Variants in DPP10 observed in about 807,000 individuals in gnomAD.
DPP10 encodes the protein inactive dipeptidyl peptidase 10.
A neutral mutation model predicts 120.9 loss-of-function variants in DPP10; 33 were observed. The ratio of observed to expected loss-of-function variants is 0.27; its 90% CI spans 0.21 to 0.37. The LOEUF (loss-of-function observed/expected upper bound fraction) is 0.37, where lower values mean the gene tolerates loss of function less well. DPP10 is among the 10% of genes least tolerant of loss of function. The pLI, the probability that DPP10 is intolerant of heterozygous loss-of-function variation, is 1.00. For synonymous variants in DPP10, 337 were observed against 326.1 expected (o/e 1.03, Z -0.36); for missense variants, 816 against 942.8 (o/e 0.87, Z 1.76).
At chr2:115,750,095 A>G (rs1161283310) in intron 10 of DPP10, 1 of 985,270 alleles carries the variant, frequency 1.0e-6, no homozygotes, top group South Asian at 4.7e-5. Context: ...TCTGCTGGCC[A>G]CTGGTCGTGG....
At chr2:114,701,478 G>A (rs567998040) in intron 1 of DPP10, among the ~76,000 whole-genome samples, 16 of 152,158 alleles carry the variant, frequency 1.1e-4, no homozygotes, top group South Asian at 4.1e-4. Context: ...AAGGCAAAGC[G>A]CTATATAATT....
At chr2:115,156,754 T>G (rs571451523) in intron 1 of DPP10, among the ~76,000 whole-genome samples, 1 of 152,326 alleles carries the variant, frequency 6.6e-6, no homozygotes, top group South Asian at 2.1e-4. Context: ...TCAAAGAAAT[T>G]TATTCATCAC....
chr2:114,838,466 C>A (rs1489485780), intron 1 of DPP10, among the ~76,000 whole-genome samples: 3 of 152,042 alleles, frequency 2.0e-5, no homozygotes, highest in Non-Finnish European at 4.4e-5. Context: ...CTGTGAGCTA[C>A]CACGCCTAGC....
At chr2:115,512,387 C>T (rs1008702220) in intron 4 of DPP10, among the ~76,000 whole-genome samples, 4 of 152,064 alleles carry the variant, frequency 2.6e-5, no homozygotes, top group Non-Finnish European at 4.4e-5. Flanking sequence ...CATGAGCCAC[C>T]GCACATGGCC....
chr2:114,974,418 T>TC (rs1699612531), intron 1 of DPP10, among the ~76,000 whole-genome samples: 1 of 29,854 alleles, frequency 3.3e-5, no homozygotes, highest in Non-Finnish European at 7.9e-5. Context: ...CTTTTTATCC[T>TC]TTTTTTTTTT....
At chr2:114,821,247 A>G (rs950422922) in intron 1 of DPP10, among the ~76,000 whole-genome samples, 1 of 152,176 alleles carries the variant, frequency 6.6e-6, no homozygotes, top group African/African-American at 2.4e-5. Context: ...AATGCAGGGC[A>G]CCATGATGTT....
intron 1 of DPP10, among the ~76,000 whole-genome samples, chr2:115,150,121 A>G (rs1388088663): frequency 2.0e-5 from 3 of 152,182 alleles, no homozygotes; most frequent in East Asian, 3.9e-4. Context: ...GTTCAGGTCT[A>G]AGAAATATTT....
chr2:115,684,618 G>A (rs1456457362), intron 5 of DPP10, among the ~76,000 whole-genome samples: 3 of 151,518 alleles, frequency 2.0e-5, no homozygotes, highest in Non-Finnish European at 4.4e-5. Flanking sequence ...ATATCAATTC[G>A]GCTGTTCAAC....
At chr2:115,137,509 C>T (rs2050708557) in intron 1 of DPP10, among the ~76,000 whole-genome samples, 1 of 152,204 alleles carries the variant, frequency 6.6e-6, no homozygotes. Context: ...GTGCACATCA[C>T]TTTGTCCTGA....
intron 10 of DPP10, chr2:115,750,055 C>T (rs867011668): frequency 6.7e-5 from 66 of 985,232 alleles, no homozygotes; most frequent in Non-Finnish European, 7.1e-5. Flanking sequence ...TAGGAACAAG[C>T]AGGAAACCCA....
At chr2:115,458,029 A>G (rs2073716569) in intron 3 of DPP10, among the ~76,000 whole-genome samples, 1 of 152,086 alleles carries the variant, frequency 6.6e-6, no homozygotes, top group African/African-American at 2.4e-5. Flanking sequence ...TGAAAACATT[A>G]TGCTGATTAA....
chr2:115,447,744 C>CA (rs1426511959), intron 3 of DPP10, among the ~76,000 whole-genome samples: 2 of 152,194 alleles, frequency 1.3e-5, no homozygotes, highest in African/African-American at 4.8e-5. Context: ...GAGATCTCCT[C>CA]AGCCATGCAG....
intron 7 of DPP10, among the ~76,000 whole-genome samples, chr2:115,714,544 CT>C (rs2149585390): frequency 6.6e-6 from 1 of 152,286 alleles, no homozygotes; most frequent in South Asian, 2.1e-4. Flanking sequence ...CCCTACATCT[CT>C]CTTGTTCTCC....
intron 4 of DPP10, among the ~76,000 whole-genome samples, chr2:115,501,018 G>C (rs922159863): frequency 9.2e-5 from 14 of 151,898 alleles, no homozygotes; most frequent in Non-Finnish European, 1.9e-4. Context: ...GATAATATAT[G>C]GATTAAAGTC....
At chr2:115,278,702 A>G (rs569715815) in intron 1 of DPP10, among the ~76,000 whole-genome samples, 1 of 152,098 alleles carries the variant, frequency 6.6e-6, no homozygotes, top group Admixed American at 6.6e-5. Context: ...TTCCCTGGGA[A>G]CTAGTAGGGT....
intron 1 of DPP10, among the ~76,000 whole-genome samples, chr2:115,155,483 A>C (rs1460907845): frequency 6.6e-6 from 1 of 152,222 alleles, no homozygotes; most frequent in Non-Finnish European, 1.5e-5. Flanking sequence ...AAACACTCTT[A>C]TAAGTGTTGC....
intron 1 of DPP10, among the ~76,000 whole-genome samples, chr2:114,704,746 T>C (rs544455398): frequency 6.6e-6 from 1 of 151,988 alleles, no homozygotes; most frequent in African/African-American, 2.4e-5. Flanking sequence ...AAATGGGGGG[T>C]TATGGACTGA....
At chr2:115,569,020 G>A (rs2081187750) in intron 5 of DPP10, among the ~76,000 whole-genome samples, 1 of 152,120 alleles carries the variant, frequency 6.6e-6, no homozygotes, top group Non-Finnish European at 1.5e-5. Context: ...CCATAACAAA[G>A]TTCCTTTCTT....
chr2:114,587,094 G>A (rs1200281049), intron 1 of DPP10, among the ~76,000 whole-genome samples: 16 of 151,854 alleles, frequency 1.1e-4, no homozygotes, highest in Admixed American at 1.0e-3. Context: ...TCAGGAGTTC[G>A]AGCCCAGCCT....
Sources: allele counts gnomAD v4.1 joint callset (sites outside exome capture counted in the v4.1 genomes callset), GRCh38; gene constraint gnomAD v4.1.1; transcripts MANE v1.5; gene names NCBI Gene and HGNC (gene_info 2026-07-23, HGNC 2026-07-21).